LRWD1: variants seen among roughly 807,000 people sequenced by gnomAD.
LRWD1 encodes leucine-rich repeat and WD repeat-containing protein 1.
Under a neutral mutation model 75.6 loss-of-function variants are expected in LRWD1, and 76 were observed. That is an observed-to-expected ratio of 1.01 (90% CI 0.84 to 1.22). The LOEUF is 1.22. Among genes scored for constraint, LRWD1 ranks in the 50% most tolerant of loss-of-function variants. LRWD1 has a pLI of 0.00. For synonymous variants in LRWD1, 487 were observed against 377.0 expected, an observed-to-expected ratio of 1.29 and a Z score of -3.38; for missense variants, 917 against 862.0, an observed-to-expected ratio of 1.06 and a Z score of -0.80.
rs774354135 is a variant in LRWD1 at position 102,473,094 on chromosome 7, T to C, written c.*45T>C. On this transcript the variant is annotated 3_prime_UTR_variant, in exon 15 of 15. Coordinates refer to ENST00000292616, the MANE Select transcript of LRWD1 (RefSeq NM_152892.3). ...ACCAGGGACACAGCTAACTAACTTA[T>C]TCAGCTTTGGGCCGATGGGGGTGGG... 5.8e-6 allele frequency: 9 copies of C among 1,540,602 alleles called. No homozygotes were observed. Among genetic ancestry groups the C allele is most frequent in the East Asian group, 5.0e-5 (2 of 39,820 alleles).
intron 12 of LRWD1, 45 bp downstream of exon 12, chr7:102,472,354 A>G: frequency 6.4e-7 from 1 of 1,552,974 alleles, no homozygotes; most frequent in East Asian, 2.4e-5. Flanking sequence ...CCGGGCACAC[A>G]GATGGACCGC....
At chr7:102,472,855 C>A (rs757699780) in intron 14 of LRWD1, 51 bp downstream of exon 14, 1 of 1,611,352 alleles carries the variant, frequency 6.2e-7, no homozygotes, top group Non-Finnish European at 8.5e-7. Context: ...GCATCAGGGG[C>A]CCTGCCTTTG....
Position 102,473,166 on chromosome 7 carries a change from G to T in LRWD1, c.*117G>T. 8.3e-7 allele frequency: 1 copy of T among 1,200,084 alleles called. No individual in the cohort carries two copies. Among genetic ancestry groups the T allele is most frequent in the Non-Finnish European group, 1.2e-6 (1 of 867,812 alleles). The allele number at this position is 1,200,084 out of a possible 1,614,324, so 74.3% of individuals were successfully genotyped here. A position where few individuals can be genotyped will look rare whatever the true frequency, so the allele number is the denominator to read the frequency against. On this transcript the variant is annotated 3_prime_UTR_variant, in exon 15 of 15. Transcript: ENST00000292616. ...TTTTATTAAACTCTACTGTGGACAA[G>T]AAGCCTGTGGAAAGGTGTTTCGAGT...
intron 11 of LRWD1, 156 bp from the exon 12 acceptor site, chr7:102,472,062 C>A: frequency 2.8e-6 from 2 of 710,688 alleles, no homozygotes; most frequent in Non-Finnish European, 4.8e-6. Context: ...GCAAACTGAA[C>A]CTTCCTGGGG....
intron 4 of LRWD1, 116 bp from the exon 5 acceptor site, chr7:102,467,603 T>C (rs1210715746): frequency 6.6e-7 from 1 of 1,512,918 alleles, no homozygotes; most frequent in Non-Finnish European, 9.0e-7. Flanking sequence ...GCAGCCCTGT[T>C]GGCTGGAGAG....
rs368888055 is a variant in LRWD1, at chr7:102,472,575, C to G, written c.1656C>G (p.Thr552=). ...VVLARLQWSS[T]ELAYFSLSAC... ...TGGCGCGGCTGCAATGGTCGTCCAC[C>G]GAGTTGGCCTACTTCTCGCTCAGCG... The change falls in exon 13 of 15, where the codon ACC becomes ACG. Residue 552 remains threonine (T), a synonymous_variant. Coordinates refer to ENST00000292616, the MANE Select transcript of LRWD1 (RefSeq NM_152892.3). 1.2e-6 allele frequency: 2 copies of G among 1,607,372 alleles called. No individual in the cohort carries two copies. The highest frequency in any genetic ancestry group is 1.1e-5 in the South Asian group (1 of 90,576).
chr7:102,468,107 C>A lies in LRWD1; in HGVS notation c.724C>A (p.Leu242Ile). 1 of 1,610,646 alleles carries A rather than the reference C, an allele frequency of 6.2e-7. No homozygotes were observed. The highest frequency in any genetic ancestry group is 8.5e-7 in the Non-Finnish European group (1 of 1,179,528). ...LKRPDDVPLS[L>I]SPSKRACASP... ...ACGGCCAGACGACGTCCCACTCAGCCTCTCTCCCAGCAAGCGGGCGTGTGC... is the reference window on the plus strand; with the variant it reads ...ACGGCCAGACGACGTCCCACTCAGCATCTCTCCCAGCAAGCGGGCGTGTGC... The change falls in exon 6 of 15, where the codon CTC becomes ATC. Residue 242 changes from leucine to isoleucine, a missense_variant. Leu to Ile is a conservative substitution (Grantham distance 5, BLOSUM62 2). Coordinates refer to ENST00000292616, the MANE Select transcript of LRWD1 (RefSeq NM_152892.3).
In LRWD1 at chr7:102,469,795, C is replaced by T. The variant is rs1445956311; in HGVS notation, c.1355C>T (p.Ala452Val). Reference protein sequence around the residue: ...TSIPLRLCPVASCPDARLLAG... With the variant: ...TSIPLRLCPVVSCPDARLLAG... ...ATCCCCCTGCGCCTCTGCCCTGTCG[C>T]CTCCTGCCCGGACGCCCGCCTGCTG... is the stretch of plus-strand genomic sequence containing the variant. The change falls in exon 11 of 15, where the codon GCC becomes GTC. Residue 452 changes from alanine (A) to valine (V), a missense_variant. By Grantham distance (64) the Ala-to-Val change is moderately conservative. Transcript: ENST00000292616. The T allele has an allele frequency of 1.2e-6, 2 of 1,609,268 alleles. No homozygotes were observed. Among genetic ancestry groups the T allele is most frequent in the Non-Finnish European group, 1.7e-6 (2 of 1,177,624 alleles).
intron 11 of LRWD1, chr7:102,471,337 GATTA>G (rs1291681118): frequency 6.5e-6 from 1 of 154,342 alleles, no homozygotes; most frequent in Non-Finnish European, 1.5e-5. Flanking sequence ...AAAGTGCTGG[GATTA>G]CAGGTGTGAG....
intron 9 of LRWD1, among the ~76,000 whole-genome samples, 198 bp from the exon 10 acceptor site, chr7:102,469,376 G>C (rs960355259): frequency 1.3e-5 from 2 of 152,144 alleles, no homozygotes. Flanking sequence ...GGAAGTGGCC[G>C]CTGGAGCCAC....
In LRWD1 at chr7:102,469,877, G is replaced by C. The variant is rs1798134803; in HGVS notation, c.1437G>C (p.Lys479Asn). 1 of 1,557,596 alleles carries C rather than the reference G, an allele frequency of 6.4e-7. No homozygotes were observed. The highest frequency in any genetic ancestry group is 1.4e-5 in the African/African-American group (1 of 73,862). The change falls in exon 11 of 15, where the codon AAG (lysine) becomes AAC (asparagine). Residue 479 changes from lysine to asparagine, a missense_variant. Lys to Asn is a moderately conservative substitution (Grantham distance 94). Transcript: ENST00000292616. Reference sequence around the variant, plus strand: ...ACGTGCGGCTGGACCAGCCCCAAAAGAGGAGGTGAGGCTGGGCAGGGGGCG... The same window carrying C: ...ACGTGCGGCTGGACCAGCCCCAAAACAGGAGGTGAGGCTGGGCAGGGGGCG... ...CWDVRLDQPQ[K>N]RRVCEVEFVF...
chr7:102,468,106 C>A lies in LRWD1; in HGVS notation c.723C>A (p.Ser241Arg). The A allele has an allele frequency of 6.2e-7, 1 of 1,610,444 alleles. No homozygotes were observed. Among genetic ancestry groups the A allele is most frequent in the Non-Finnish European group, 8.5e-7 (1 of 1,179,506 alleles). ...ALKRPDDVPL[S>R]LSPSKRACAS... is the part of the protein sequence containing the mutation. ...AACGGCCAGACGACGTCCCACTCAGCCTCTCTCCCAGCAAGCGGGCGTGTG... is the reference window on the plus strand; with the variant it reads ...AACGGCCAGACGACGTCCCACTCAGACTCTCTCCCAGCAAGCGGGCGTGTG... The change falls in exon 6 of 15, where the codon AGC becomes AGA. Residue 241 changes from serine to arginine, a missense_variant. Coordinates refer to ENST00000292616, the MANE Select transcript of LRWD1 (RefSeq NM_152892.3).
chr7:102,472,417 G>C, intron 12 of LRWD1, 37 bp from the exon 13 acceptor site: 2 of 1,546,108 alleles, frequency 1.3e-6, no homozygotes, highest in Non-Finnish European at 8.7e-7. Context: ...GTGTCTGGGA[G>C]GGGCCACCCT....
intron 1 of LRWD1, 113 bp from the exon 2 acceptor site, chr7:102,465,704 G>T: frequency 4.1e-6 from 3 of 733,636 alleles, no homozygotes; most frequent in South Asian, 1.7e-5. Flanking sequence ...TGGGCGGGGC[G>T]GCTACACTTG....
At chr7:102,469,530 G>A in intron 9 of LRWD1, 44 bp from the exon 10 acceptor site, 6 of 1,607,670 alleles carry the variant, frequency 3.7e-6, no homozygotes, top group Non-Finnish European at 5.1e-6. Context: ...GAGGGAGCAG[G>A]GTCATCTCAG....
intron 3 of LRWD1, among the ~76,000 whole-genome samples, 168 bp from the exon 4 acceptor site, chr7:102,467,171 G>GGGGGGTGTGTGTGTGTGT (rs1245223810): frequency 1.0e-5 from 1 of 99,116 alleles, no homozygotes; most frequent in African/African-American, 4.4e-5. Context: ...GTGTGTGTGG[G>GGGGGGTGTGTGTGTGTGT]GTGTGTGTGT....
rs1311880896 is a variant in LRWD1 at position 102,465,512 on chromosome 7, T to G, written c.81-305T>G. On this transcript the variant is annotated intron_variant, in intron 1 of 14. Coordinates refer to ENST00000292616, the MANE Select transcript of LRWD1 (RefSeq NM_152892.3). ...AGCTTTTTTTTTTTTTTTTTTTTTT[T>G]TTTTTTTTTTTTTGTTAAGTGGTGT... is the stretch of plus-strand genomic sequence containing the variant. 15 of 186,364 alleles carry G rather than the reference T, an allele frequency of 8.0e-5. 2 individuals are homozygous for G. The highest frequency in any genetic ancestry group is 1.1e-4 in the Non-Finnish European group (11 of 95,660). The allele number at this position is 186,364 out of a possible 1,614,324, so 11.5% of individuals were successfully genotyped here.
In LRWD1 at chr7:102,466,176, C is replaced by G. The variant is rs1326543810; in HGVS notation, c.338C>G (p.Ser113Cys). 3.7e-6 allele frequency: 6 copies of G among 1,614,206 alleles called. No homozygotes were observed. In the East Asian group the frequency reaches 6.7e-5, roughly 18 times the overall value. The change falls in exon 3 of 15, where the codon TCC becomes TGC. Residue 113 changes from serine (S) to cysteine (C), a missense_variant. Ser to Cys is a moderately radical substitution (Grantham distance 112, BLOSUM62 -1). Transcript: ENST00000292616. The stretch of plus-strand genomic sequence containing the variant: ...CAGGTCAATGACAACCTGAAAGTCT[C>G]CTTTCTCCTGCCCACGCTCCGTAAG... Reference protein sequence around the residue: ...FLTVNDNLKVSFLLPTLRKVN... With the variant: ...FLTVNDNLKVCFLLPTLRKVN...
At chr7:102,472,417 G>A (rs542629761) in intron 12 of LRWD1, 37 bp from the exon 13 acceptor site, 3 of 1,546,108 alleles carry the variant, frequency 1.9e-6, no homozygotes, top group South Asian at 1.2e-5. Flanking sequence ...GTGTCTGGGA[G>A]GGGCCACCCT....
Sources: gnomAD v4.1 joint callset for allele counts (sites outside exome capture counted in the v4.1 genomes callset) on GRCh38, gnomAD v4.1.1 for gene constraint, MANE v1.5 for transcripts, NCBI Gene and HGNC (gene_info 2026-07-23, HGNC 2026-07-21) for gene names.